Variants in PRKG1 observed in about 807,000 individuals in gnomAD.
The protein encoded by PRKG1 is protein kinase cGMP-dependent 1.
A neutral mutation model predicts 88.1 loss-of-function variants in PRKG1; 35 were observed. The observed-to-expected ratio is 0.40, with a 90% CI of 0.30 to 0.53. The LOEUF is 0.53. PRKG1 is among the 20% of genes least tolerant of loss of function. PRKG1 has a pLI of 0.59. For missense variants in PRKG1, 540 were observed against 839.8 expected (o/e 0.64, Z 4.41); for synonymous variants, 303 against 292.5 (o/e 1.04, Z -0.37).
intron 2 of PRKG1, among the ~76,000 whole-genome samples, chr10:51,423,680 C>A (rs921623715): frequency 6.6e-6 from 1 of 152,104 alleles, no homozygotes; most frequent in African/African-American, 2.4e-5. Context: ...ATAAACAAAG[C>A]AATATCTATA....
At chr10:51,468,589 T>C (rs1839968076) in intron 3 of PRKG1, among the ~76,000 whole-genome samples, 2 of 151,838 alleles carry the variant, frequency 1.3e-5, no homozygotes, top group African/African-American at 4.8e-5. Context: ...AATTCAAAAG[T>C]CAACAATGTA....
intron 3 of PRKG1, among the ~76,000 whole-genome samples, chr10:51,589,497 G>A (rs958718259): frequency 2.6e-5 from 4 of 152,092 alleles, no homozygotes; most frequent in African/African-American, 9.7e-5. Context: ...GGTGGCATGT[G>A]CCTGTAATTC....
chr10:51,104,915 G>C (rs1844793013), intron 1 of PRKG1, among the ~76,000 whole-genome samples: 1 of 151,894 alleles, frequency 6.6e-6, no homozygotes, highest in South Asian at 2.1e-4. Flanking sequence ...TGTTTTAGTA[G>C]AGATGGGTTT....
In PRKG1 at chr10:52,294,689, T is replaced by C. The variant is rs561913631; in HGVS notation, c.*789T>C. 2.0e-5 allele frequency: 3 copies of C among 152,558 alleles called. No individual in the cohort carries two copies. The Admixed American group carries it at 2.0e-4, about 10-fold the overall frequency. The allele number at this position is 152,558 out of a possible 1,614,324, so 9.5% of individuals were successfully genotyped here. On this transcript the variant is annotated 3_prime_UTR_variant, in exon 18 of 18. Transcript: ENST00000373980. ...ATTCACAAAACCATTTCATATTTTTTAAAATATTGTGCTTAAAGATGGTCC... is the reference window on the plus strand; with the variant it reads ...ATTCACAAAACCATTTCATATTTTTCAAAATATTGTGCTTAAAGATGGTCC...
intron 3 of PRKG1, among the ~76,000 whole-genome samples, chr10:51,743,458 C>A (rs1178572692): frequency 1.3e-5 from 2 of 151,356 alleles, no homozygotes; most frequent in African/African-American, 4.9e-5. Flanking sequence ...TGTGATAATC[C>A]CCAGGAGGAA....
At chr10:51,233,709 G>A (rs1230614785) in intron 2 of PRKG1, among the ~76,000 whole-genome samples, 1 of 152,204 alleles carries the variant, frequency 6.6e-6, no homozygotes, top group Non-Finnish European at 1.5e-5. Context: ...TCCTTAATAG[G>A]TGATTGAGAT....
At chr10:52,199,508 G>A (rs1335673821) in intron 9 of PRKG1, among the ~76,000 whole-genome samples, 2 of 152,060 alleles carry the variant, frequency 1.3e-5, no homozygotes, top group African/African-American at 4.8e-5. Context: ...TTATATTTTA[G>A]GGAAAATTCC....
chr10:52,059,268 A>G (rs1846179549), intron 6 of PRKG1, among the ~76,000 whole-genome samples: 1 of 152,002 alleles, frequency 6.6e-6, no homozygotes, highest in Non-Finnish European at 1.5e-5. Flanking sequence ...AGTTTCTAAT[A>G]AAGTTAAATA....
intron 3 of PRKG1, among the ~76,000 whole-genome samples, chr10:51,499,604 T>TGA (rs1287821070): frequency 6.6e-6 from 1 of 152,088 alleles, no homozygotes; most frequent in Non-Finnish European, 1.5e-5. Context: ...AGTAAGCATA[T>TGA]GAGTACAAAC....
chr10:51,350,308 G>A (rs1211415973), intron 2 of PRKG1, among the ~76,000 whole-genome samples: 1 of 152,170 alleles, frequency 6.6e-6, no homozygotes, highest in Non-Finnish European at 1.5e-5. Context: ...GATGATAAAG[G>A]AACCCAGAGT....
chr10:52,134,339 C>T (rs1316560177), intron 8 of PRKG1, among the ~76,000 whole-genome samples: 2 of 152,104 alleles, frequency 1.3e-5, no homozygotes, highest in African/African-American at 4.8e-5. Flanking sequence ...GCCCTCTATT[C>T]TCCTATCTCC....
chr10:51,545,398 T>C (rs898125803), intron 3 of PRKG1, among the ~76,000 whole-genome samples: 3 of 152,162 alleles, frequency 2.0e-5, no homozygotes, highest in Non-Finnish European at 4.4e-5. Context: ...TGTGACTTAC[T>C]GGCAACTGTG....
intron 2 of PRKG1, among the ~76,000 whole-genome samples, chr10:51,386,620 AC>A (rs1837255239): frequency 6.6e-6 from 1 of 152,130 alleles, no homozygotes; most frequent in Non-Finnish European, 1.5e-5. Context: ...GATCAAGTCC[AC>A]CCACATTCAA....
At chr10:51,585,822 C>T (rs10998369) in intron 3 of PRKG1, among the ~76,000 whole-genome samples, 2 of 152,032 alleles carry the variant, frequency 1.3e-5, no homozygotes, top group Non-Finnish European at 2.9e-5. Flanking sequence ...TTTGCAGCAA[C>T]GTGAATGGAG....
intron 4 of PRKG1, among the ~76,000 whole-genome samples, chr10:51,832,392 C>A (rs1475118775): frequency 1.3e-5 from 2 of 152,024 alleles, no homozygotes; most frequent in South Asian, 2.1e-4. Context: ...CAAGGTTTGG[C>A]AAAAATTATC....
chr10:51,936,778 T>C (rs1441774071), intron 5 of PRKG1, among the ~76,000 whole-genome samples: 2 of 152,056 alleles, frequency 1.3e-5, no homozygotes, highest in African/African-American at 4.8e-5. Context: ...TCAAAGGAAA[T>C]GACAAATAGA....
intron 14 of PRKG1, among the ~76,000 whole-genome samples, chr10:52,288,415 T>G (rs1477074692): frequency 6.6e-6 from 1 of 152,032 alleles, no homozygotes; most frequent in East Asian, 1.9e-4. Flanking sequence ...AATGAGTCAG[T>G]AAGTGTGGAA....
At chr10:51,865,633 T>C (rs1383802588) in intron 4 of PRKG1, among the ~76,000 whole-genome samples, 1 of 152,098 alleles carries the variant, frequency 6.6e-6, no homozygotes, top group Admixed American at 6.6e-5. Context: ...TCTATACATA[T>C]ATTTTTAATG....
rs989795239 is a variant in PRKG1 at position 51,134,113 on chromosome 10, A to G, written c.312-19051A>G. 5.9e-5 allele frequency among the ~76,000 whole-genome samples: 9 copies of G among 152,336 alleles called. No individual in the cohort carries two copies. The East Asian group carries it at 1.5e-3, about 26-fold the overall frequency. On this transcript the variant is annotated intron_variant, in intron 1 of 17. Coordinates refer to ENST00000373980, the MANE Select transcript of PRKG1 (RefSeq NM_006258.4). ...ATGTTAATTGATTCTAATATCCGCC[A>G]TTATCAGAAATCTGAATGCATTCTT...
Sources: gnomAD v4.1 joint callset for allele counts (sites outside exome capture counted in the v4.1 genomes callset) on GRCh38, gnomAD v4.1.1 for gene constraint, MANE v1.5 for transcripts, NCBI Gene and HGNC (gene_info 2026-07-23, HGNC 2026-07-21) for gene names.